TMEM175: variants seen among roughly 807,000 people sequenced by gnomAD.
TMEM175 encodes endosomal/lysosomal proton channel TMEM175.
Under a neutral mutation model 36.5 loss-of-function variants are expected in TMEM175, and 36 were observed. The ratio of observed to expected loss-of-function variants is 0.99; its 90% CI spans 0.76 to 1.30. The LOEUF (loss-of-function observed/expected upper bound fraction) is 1.30. Among genes scored for constraint, TMEM175 ranks in the 50% most tolerant of loss-of-function variants. TMEM175 has a pLI of 0.00. For missense variants in TMEM175, 705 were observed against 692.8 expected, an observed-to-expected ratio of 1.02 and a Z score of -0.20; for synonymous variants, 339 against 313.4, an observed-to-expected ratio of 1.08 and a Z score of -0.86.
chr4:953,407 G>C (rs753807881), intron 8 of TMEM175, 53 bp downstream of exon 8: 1 of 1,545,840 alleles, frequency 6.5e-7, no homozygotes, highest in Non-Finnish European at 8.7e-7. Context: ...GCCACCATAG[G>C]AGCAATGTCC....
Position 958,422 on chromosome 4 carries a change from C to A in TMEM175, c.1441C>A (p.Arg481=), listed in dbSNP as rs201314478. The stretch of plus-strand genomic sequence containing the variant: ...CCTGCGGGTCCTGCGGGGCCTCGCC[C>A]GGCCCGAACACCCCCCGCCAGCCCC... ...ATLRVLRGLA[R]PEHPPPAPTG... The change falls in exon 11 of 11, where the codon CGG becomes AGG. Residue 481 remains arginine, a synonymous_variant. Transcript: ENST00000264771. 7 of 1,596,320 alleles carry A rather than the reference C, an allele frequency of 4.4e-6. No homozygotes were observed. Among genetic ancestry groups the A allele is most frequent in the Non-Finnish European group, 5.1e-6 (6 of 1,177,492 alleles).
At chr4:953,120 C>T (rs766383048) in intron 7 of TMEM175, 70 bp from the exon 8 acceptor site, 12 of 1,492,584 alleles carry the variant, frequency 8.0e-6, no homozygotes, top group Middle Eastern at 1.8e-4. Flanking sequence ...CCATGCAGCC[C>T]GGGGGTTGAC....
At chr4:936,889 G>A (rs1000540578) in intron 1 of TMEM175, among the ~76,000 whole-genome samples, 15 of 151,986 alleles carry the variant, frequency 9.9e-5, no homozygotes, top group Admixed American at 2.0e-4. Flanking sequence ...CCAGAGAGTC[G>A]GAGGTTGCAG....
rs547497948 is a variant in TMEM175, at chr4:958,620, C to A, written c.*124C>A. On this transcript the variant is annotated 3_prime_UTR_variant, in exon 11 of 11. Coordinates refer to ENST00000264771, the MANE Select transcript of TMEM175 (RefSeq NM_032326.4). ...TTCTTGCGTGGCCTGGTTTTATTTT[C>A]ATTGTGAAATATCATGCTCTTATTT... 2 of 767,878 alleles carry A rather than the reference C, an allele frequency of 2.6e-6. No individual in the cohort carries two copies. The highest frequency in any genetic ancestry group is 2.8e-5 in the East Asian group (1 of 35,744). The allele number at this position is 767,878 out of a possible 1,614,324, so 47.6% of individuals were successfully genotyped here.
intron 2 of TMEM175, 45 bp from the exon 3 acceptor site, chr4:948,071 G>C: frequency 6.2e-7 from 1 of 1,614,026 alleles, no homozygotes; most frequent in Non-Finnish European, 8.5e-7. Context: ...AATCCAACAA[G>C]CGTCTCTTGC....
chr4:951,851 G>T, intron 6 of TMEM175, 134 bp downstream of exon 6: 1 of 1,018,542 alleles, frequency 9.8e-7, no homozygotes, highest in Non-Finnish European at 1.5e-6. Flanking sequence ...AAGGTTCTGG[G>T]GAGAGCCAGC....
intron 7 of TMEM175, among the ~76,000 whole-genome samples, 172 bp from the exon 8 acceptor site, chr4:953,018 C>G (rs1560493855): frequency 6.6e-6 from 1 of 152,016 alleles, no homozygotes; most frequent in African/African-American, 2.4e-5. Context: ...CCTCTACTCG[C>G]CAGGTCCTCC....
chr4:953,068 G>C, intron 7 of TMEM175, 122 bp from the exon 8 acceptor site: 1 of 1,055,782 alleles, frequency 9.5e-7, no homozygotes, highest in Non-Finnish European at 1.3e-6. Context: ...CATGCAGCCC[G>C]GGGCCAGGTC....
At chr4:949,694 G>C (rs1265766243) in intron 3 of TMEM175, among the ~76,000 whole-genome samples, 1 of 142,584 alleles carries the variant, frequency 7.0e-6, no homozygotes, top group Non-Finnish European at 1.5e-5. Flanking sequence ...CGTGGAGAAA[G>C]CATGAAAACC....
intron 10 of TMEM175, 153 bp downstream of exon 10, chr4:956,043 C>A: frequency 2.0e-6 from 2 of 1,013,470 alleles, no homozygotes; most frequent in East Asian, 5.2e-5. Flanking sequence ...GGGCAGCCCC[C>A]ACTTCAGGGA....
chr4:952,592 T>TGA, intron 7 of TMEM175, 142 bp downstream of exon 7: 1 of 669,314 alleles, frequency 1.5e-6, no homozygotes, highest in Non-Finnish European at 2.5e-6. Context: ...TGTGTGTGTG[T>TGA]TCACCATCAG....
intron 1 of TMEM175, among the ~76,000 whole-genome samples, chr4:946,574 C>T (rs1006167030): frequency 6.6e-6 from 1 of 152,220 alleles, no homozygotes; most frequent in African/African-American, 2.4e-5. Flanking sequence ...TGCAGCCATA[C>T]CTCAGTTCTG....
In TMEM175 at chr4:951,679, C is replaced by T; in HGVS notation, c.343-3C>T. ...ATGGCTGTGATGCCCTCCCTCCCTCCAGGCCTGCATGATGACCATCACCTT... is the reference window on the plus strand; with the variant it reads ...ATGGCTGTGATGCCCTCCCTCCCTCTAGGCCTGCATGATGACCATCACCTT... On this transcript the variant is annotated splice_polypyrimidine_tract_variant and splice_region_variant and intron_variant, in intron 5 of 10. Coordinates refer to ENST00000264771, the MANE Select transcript of TMEM175 (RefSeq NM_032326.4). 1 of 1,614,156 alleles carries T rather than the reference C, an allele frequency of 6.2e-7. No individual in the cohort carries two copies. Among genetic ancestry groups the T allele is most frequent in the Non-Finnish European group, 8.5e-7 (1 of 1,180,010 alleles).
intron 1 of TMEM175, among the ~76,000 whole-genome samples, chr4:941,120 G>A (rs901406531): frequency 6.7e-6 from 1 of 150,298 alleles, no homozygotes; most frequent in South Asian, 2.1e-4. Flanking sequence ...GCTCACGCCT[G>A]TAATCCCAAC....
intron 1 of TMEM175, among the ~76,000 whole-genome samples, chr4:946,338 C>T (rs919585508): frequency 9.2e-5 from 14 of 152,262 alleles, no homozygotes; most frequent in Non-Finnish European, 1.8e-4. Flanking sequence ...CAACATGGGG[C>T]TCTCTGGCCA....
chr4:951,959 A>AC (rs1728946476), intron 6 of TMEM175: 7 of 592,814 alleles, frequency 1.2e-5, no homozygotes, highest in Non-Finnish European at 2.1e-5. Flanking sequence ...CCCGGCCCTG[A>AC]GCCCACAGCC....
chr4:956,131 G>C (rs1212226152), intron 10 of TMEM175, among the ~76,000 whole-genome samples: 1 of 138,364 alleles, frequency 7.2e-6, no homozygotes, highest in East Asian at 2.0e-4. Flanking sequence ...CACAGCCGAG[G>C]ATGGGGTGCC....
At chr4:957,440 C>T (rs187443631) in intron 10 of TMEM175, among the ~76,000 whole-genome samples, 45 of 152,312 alleles carry the variant, frequency 3.0e-4, no homozygotes, top group African/African-American at 7.9e-4. Context: ...GTGTGGGTGG[C>T]TCCGAGGGCT....
At chr4:955,292 G>C in intron 8 of TMEM175, 113 bp from the exon 9 acceptor site, 1 of 777,926 alleles carries the variant, frequency 1.3e-6, no homozygotes. Context: ...TACATGATCT[G>C]CAAAGACCCT....
Sources: gnomAD v4.1 joint callset for allele counts (sites outside exome capture counted in the v4.1 genomes callset) on GRCh38, gnomAD v4.1.1 for gene constraint, MANE v1.5 for transcripts, NCBI Gene and HGNC (gene_info 2026-07-23, HGNC 2026-07-21) for gene names.